METTL13: variants seen among roughly 807,000 people sequenced by gnomAD.
The protein encoded by METTL13 is methyltransferase 13, eEF1A N-terminus and K55.
In METTL13, 52 loss-of-function variants were observed where a neutral mutation model predicts 67.4. The observed-to-expected ratio is 0.77, with a 90% CI of 0.62 to 0.97. METTL13 has a LOEUF of 0.97. Among genes scored for constraint, METTL13 ranks in the 50% least tolerant of loss-of-function variants. The pLI is 0.00. For missense variants in METTL13, 825 were observed against 889.6 expected (o/e 0.93, Z 0.92); for synonymous variants, 354 against 353.6 (o/e 1.00, Z -0.01).
chr1:171,786,198 G>A (rs1657004761), intron 3 of METTL13, 120 bp downstream of exon 3: 11 of 1,111,772 alleles, frequency 9.9e-6, no homozygotes, highest in Non-Finnish European at 1.4e-5. Flanking sequence ...TAATCCTGGA[G>A]GGGTATCAGC....
chr1:171,787,942 T>C lies in METTL13; in HGVS notation c.1309+12T>C. 2 of 1,612,336 alleles carry C rather than the reference T, an allele frequency of 1.2e-6. No individual in the cohort carries two copies. Among genetic ancestry groups the C allele is most frequent in the Non-Finnish European group, 1.7e-6 (2 of 1,179,568 alleles). On this transcript the variant is annotated intron_variant, in intron 4 of 7. Transcript: ENST00000361735. ...TGTGTCTCACAAAGGTGAGGTGTCA[T>C]AGGCACAGTGGTGGGACCCAAGTGG...
At chr1:171,785,120 A>C (rs1558129871) in intron 2 of METTL13, among the ~76,000 whole-genome samples, 1 of 152,202 alleles carries the variant, frequency 6.6e-6, no homozygotes, top group East Asian at 1.9e-4. Context: ...GAAGTATAAA[A>C]GCTCTTAGAA....
chr1:171,786,090 T>C lies in METTL13; in HGVS notation c.1113+12T>C. 6.2e-7 allele frequency: 1 copy of C among 1,607,078 alleles called. No homozygotes were observed. Among genetic ancestry groups the C allele is most frequent in the South Asian group, 1.1e-5 (1 of 90,298 alleles). On this transcript the variant is annotated intron_variant, in intron 3 of 7. Transcript: ENST00000361735. ...CCACCCAGCAGCAGGTAACAAAGCTTTCGTACGGCTTTCATGGGTCTCTGA... is the reference window on the plus strand; with the variant it reads ...CCACCCAGCAGCAGGTAACAAAGCTCTCGTACGGCTTTCATGGGTCTCTGA...
Position 171,783,938 on chromosome 1 carries a change from G to A in METTL13, c.352G>A (p.Val118Met). ...MEFPDASFQV[V>M]LDKGTLDAVL... ...GTTTCCTGATGCCTCGTTCCAGGTG[G>A]TGTTGGACAAGGGCACCCTGGATGC... The change falls in exon 2 of 8, where the codon GTG becomes ATG. Residue 118 changes from valine to methionine, a missense_variant. By Grantham distance (21) the Val-to-Met change is conservative. Transcript: ENST00000361735. 6.2e-7 allele frequency: 1 copy of A among 1,614,246 alleles called. No homozygotes were observed. The highest frequency in any genetic ancestry group is 2.2e-5 in the East Asian group (1 of 44,880).
intron 4 of METTL13, among the ~76,000 whole-genome samples, chr1:171,789,560 G>A (rs1200197632): frequency 2.0e-5 from 3 of 152,158 alleles, no homozygotes; most frequent in Non-Finnish European, 2.9e-5. Flanking sequence ...GTGTGTTCAT[G>A]TGCCAAGAAT....
intron 3 of METTL13, among the ~76,000 whole-genome samples, chr1:171,786,509 A>G (rs867533107): frequency 3.6e-4 from 55 of 152,330 alleles, no homozygotes; most frequent in Non-Finnish European, 5.9e-4. Flanking sequence ...ATTGCTGGTC[A>G]GGTGTTTTAC....
Position 171,789,352 on chromosome 1 carries a change from G to A in METTL13, c.1310-1100G>A, listed in dbSNP as rs532407330. 2.0e-5 allele frequency among the ~76,000 whole-genome samples: 3 copies of A among 152,348 alleles called. No individual in the cohort carries two copies. The South Asian group carries it at 6.2e-4, about 32-fold the overall frequency. On this transcript the variant is annotated intron_variant, in intron 4 of 7. Coordinates refer to ENST00000361735, the MANE Select transcript of METTL13 (RefSeq NM_015935.5). ...ACCCTGGAGCAGGGAAGGGAGTGGT[G>A]AGAGGGAAAGTGGAGTGGCTTTTTA...
chr1:171,787,752 G>C lies in METTL13; in HGVS notation c.1131G>C (p.Val377=). ...PTQQQVPFLS[V]GGDIGVRTVQ... ...ACCTTCAGGTCCCCTTTCTGTCTGT[G>C]GGTGGGGACATTGGGGTCCGGACCG... The change falls in exon 4 of 8, where the codon GTG becomes GTC. Residue 377 remains valine, a synonymous_variant. Coordinates refer to ENST00000361735, the MANE Select transcript of METTL13 (RefSeq NM_015935.5). The C allele has an allele frequency of 4.3e-6, 7 of 1,612,770 alleles. No homozygotes were observed. Among genetic ancestry groups the C allele is most frequent in the Non-Finnish European group, 5.9e-6 (7 of 1,178,878 alleles).
intron 6 of METTL13, among the ~76,000 whole-genome samples, chr1:171,793,337 G>A (rs1300888579): frequency 1.3e-5 from 2 of 152,226 alleles, no homozygotes; most frequent in African/African-American, 4.8e-5. Flanking sequence ...TTACAACAGT[G>A]CCATGCACAT....
At position 171,784,406 on chromosome 1, in the gene METTL13, G is replaced by C. The variant is rs750837677; in HGVS notation, c.820G>C (p.Asp274His). ...GGGGAGTGTGTCTCTGGACTTGTGC[G>C]ATGGGGACACGGGGGAGCCACGCTA... is the stretch of plus-strand genomic sequence containing the variant. ...RLGSVSLDLC[D>H]GDTGEPRYTL... Residue 274 changes from aspartate (D) to histidine (H), a missense_variant, in exon 2 of 8, where the codon GAT (aspartate) becomes CAT (histidine). Asp to His is a moderately conservative substitution (Grantham distance 81). Coordinates refer to ENST00000361735, the MANE Select transcript of METTL13 (RefSeq NM_015935.5). 1 of 1,554,352 alleles carries C rather than the reference G, an allele frequency of 6.4e-7. No homozygotes were observed. The highest frequency in any genetic ancestry group is 2.3e-5 in the East Asian group (1 of 44,442).
intron 7 of METTL13, among the ~76,000 whole-genome samples, chr1:171,795,491 G>A (rs1426797166): frequency 2.0e-5 from 3 of 152,222 alleles, no homozygotes; most frequent in African/African-American, 7.2e-5. Flanking sequence ...GCATGGTGAT[G>A]CTAGCTACTA....
Position 171,786,035 on chromosome 1 carries a change from G to C in METTL13, c.1070G>C (p.Arg357Thr). 1.2e-6 allele frequency: 2 copies of C among 1,613,972 alleles called. No individual in the cohort carries two copies. The highest frequency in any genetic ancestry group is 2.2e-5 in the South Asian group (2 of 91,056). ...CACATCCAAGCTGAGCTGTCGGCTA[G>C]AGTCATGGAGCTGGCCCCAGCTGGG... Reference protein sequence around the residue: ...MDHIQAELSARVMELAPAGMP... With the variant: ...MDHIQAELSATVMELAPAGMP... Residue 357 changes from arginine (R) to threonine (T), a missense_variant, in exon 3 of 8, where the codon AGA becomes ACA. By Grantham distance (71) the Arg-to-Thr change is moderately conservative. Coordinates refer to ENST00000361735, the MANE Select transcript of METTL13 (RefSeq NM_015935.5).
chr1:171,796,662 C>T lies in METTL13; in HGVS notation c.2006C>T (p.Ala669Val), dbSNP rs775140045. The T allele has an allele frequency of 1.2e-6, 2 of 1,614,196 alleles. No individual in the cohort carries two copies. The highest frequency in any genetic ancestry group is 1.7e-6 in the Non-Finnish European group (2 of 1,180,030). The change falls in exon 8 of 8, where the codon GCC (alanine) becomes GTC (valine). Residue 669 changes from alanine (A) to valine (V), a missense_variant. Coordinates refer to ENST00000361735, the MANE Select transcript of METTL13 (RefSeq NM_015935.5). ...GCCACACCAGAGCTCCTAGAAACAG[C>T]CCAGGCTTTGGAGCGGACCCTGAGG... ...KLATPELLETAQALERTLRKP... is the reference protein window; with the variant it reads ...KLATPELLETVQALERTLRKP...
In METTL13 at chr1:171,792,054, G is replaced by C; in HGVS notation, c.1512G>C (p.Gly504=). Residue 504 remains glycine, a synonymous_variant, in exon 6 of 8, where the codon GGG becomes GGC. Coordinates refer to ENST00000361735, the MANE Select transcript of METTL13 (RefSeq NM_015935.5). ...CATTGTTGGTGGTAGGCCTGGGCGGGGGCAGCCTCCCCCTCTTTGTCCACG... is the reference window on the plus strand; with the variant it reads ...CATTGTTGGTGGTAGGCCTGGGCGGCGGCAGCCTCCCCCTCTTTGTCCACG... ...PLALLVVGLG[G]GSLPLFVHDH... The C allele has an allele frequency of 6.2e-7, 1 of 1,612,980 alleles. No individual in the cohort carries two copies. Among genetic ancestry groups the C allele is most frequent in the Non-Finnish European group, 8.5e-7 (1 of 1,180,028 alleles).
At chr1:171,790,695 A>C in intron 5 of METTL13, 79 bp downstream of exon 5, 1 of 1,338,860 alleles carries the variant, frequency 7.5e-7, no homozygotes, top group Non-Finnish European at 9.8e-7. Flanking sequence ...CTTGCATTGT[A>C]GTTGAAGAAC....
Position 171,796,699 on chromosome 1 carries a change from G to T in METTL13, c.2043G>T (p.Arg681Ser), listed in dbSNP as rs750582911. Residue 681 changes from arginine to serine, a missense_variant, in exon 8 of 8, where the codon AGG becomes AGT. Coordinates refer to ENST00000361735, the MANE Select transcript of METTL13 (RefSeq NM_015935.5). ...AGCGGACCCTGAGGAAGCCTGGGAG[G>T]GGTTGGGATGACACGTATGTCTTGT... ...ALERTLRKPGRGWDDTYVLSD... is the reference protein window; with the variant it reads ...ALERTLRKPGSGWDDTYVLSD... 1.2e-6 allele frequency: 2 copies of T among 1,614,206 alleles called. No homozygotes were observed. The highest frequency in any genetic ancestry group is 2.7e-5 in the African/African-American group (2 of 75,062).
intron 1 of METTL13, among the ~76,000 whole-genome samples, chr1:171,783,065 T>A (rs1656879880): frequency 6.6e-6 from 1 of 151,486 alleles, no homozygotes; most frequent in African/African-American, 2.4e-5. Context: ...GAGCCACTTT[T>A]TTTTTTTTTT....
rs1558133401 is a variant in METTL13, at chr1:171,794,381, CCTT to C, written c.1694-11_1694-9del. The C allele has an allele frequency of 6.2e-7, 1 of 1,614,046 alleles. No individual in the cohort carries two copies. Among genetic ancestry groups the C allele is most frequent in the Non-Finnish European group, 8.5e-7 (1 of 1,179,958 alleles). ...ATCCAGCAAAGACAAGGACTTGTTT[CCTT>C]CTTTTTCCCAGCACGGCCTTGCTAC... On this transcript the variant is annotated splice_polypyrimidine_tract_variant and intron_variant, in intron 6 of 7. Transcript: ENST00000361735.
Position 171,797,013 on chromosome 1 carries a change from C to T in METTL13, c.*257C>T, listed in dbSNP as rs1463149189. Reference sequence around the variant, plus strand: ...TACACCACGTCCTTGAGTGGAGTTCCCTGCTGAAGCCCCTAGCACACACTG... The same window carrying T: ...TACACCACGTCCTTGAGTGGAGTTCTCTGCTGAAGCCCCTAGCACACACTG... On this transcript the variant is annotated 3_prime_UTR_variant, in exon 8 of 8. Transcript: ENST00000361735. 2.1e-6 allele frequency: 1 copy of T among 467,306 alleles called. No individual in the cohort carries two copies. The highest frequency in any genetic ancestry group is 2.0e-5 in the African/African-American group (1 of 50,906). The allele number at this position is 467,306 out of a possible 1,614,324, so 28.9% of individuals were successfully genotyped here.
Sources: gnomAD v4.1 joint callset for allele counts (sites outside exome capture counted in the v4.1 genomes callset) on GRCh38, gnomAD v4.1.1 for gene constraint, MANE v1.5 for transcripts, NCBI Gene and HGNC (gene_info 2026-07-23, HGNC 2026-07-21) for gene names.